Variants in TRPC7 observed in about 807,000 individuals in gnomAD.
The protein encoded by TRPC7 is transient receptor potential cation channel subfamily C member 7.
Under a neutral mutation model 90.1 loss-of-function variants are expected in TRPC7, and 42 were observed. The ratio of observed to expected loss-of-function variants is 0.47; its 90% CI spans 0.36 to 0.60. TRPC7 has a LOEUF of 0.60. Ranked by LOEUF, TRPC7 falls within the 20% of genes least tolerant of loss-of-function variation. The probability of loss-of-function intolerance (pLI) is 0.00; values close to 1 mark genes in which losing one functional copy is unlikely to be tolerated. For missense variants in TRPC7, 955 were observed against 1,112.3 expected, an observed-to-expected ratio of 0.86 and a Z score of 2.01; for synonymous variants, 451 against 436.3, an observed-to-expected ratio of 1.03 and a Z score of -0.42.
intron 3 of TRPC7, among the ~76,000 whole-genome samples, chr5:136,308,248 T>A (rs1758711346): frequency 6.6e-6 from 1 of 152,244 alleles, no homozygotes; most frequent in South Asian, 2.1e-4. Flanking sequence ...TTAATGGATA[T>A]TGATCACTTT....
Position 136,247,814 on chromosome 5 carries a change from G to T in TRPC7, c.1580-79C>A. 3 of 1,489,046 alleles carry T rather than the reference G, an allele frequency of 2.0e-6. No homozygotes were observed. The highest frequency in any genetic ancestry group is 2.7e-6 in the Non-Finnish European group (3 of 1,106,930). 92.2% of individuals were successfully genotyped at this position (1,489,046 alleles called of 1,614,324 possible). A position where few individuals can be genotyped will look rare whatever the true frequency, so the allele number is the denominator to read the frequency against. ...AGAAACCAGTTAGGCATCTTTAGAGGTCTCCAACTGCATCATTTGCCATTC... is the reference window on the plus strand; with the variant it reads ...AGAAACCAGTTAGGCATCTTTAGAGTTCTCCAACTGCATCATTTGCCATTC... On this transcript the variant is annotated intron_variant, in intron 6 of 11. Coordinates refer to ENST00000513104, the MANE Select transcript of TRPC7 (RefSeq NM_020389.3). This position sits in a 1 kb window ranked among gnomAD's most constrained non-coding sequence, Gnocchi z 4.2.
chr5:136,236,546 A>C (rs943605311), intron 7 of TRPC7, among the ~76,000 whole-genome samples: 1 of 152,196 alleles, frequency 6.6e-6, no homozygotes, highest in African/African-American at 2.4e-5. Flanking sequence ...TAAAGGAGGA[A>C]AAGTGCCCAT....
At chr5:136,269,540 T>C (rs1249366016) in intron 4 of TRPC7, among the ~76,000 whole-genome samples, 1 of 152,072 alleles carries the variant, frequency 6.6e-6, no homozygotes, top group Non-Finnish European at 1.5e-5. Flanking sequence ...TCAGAAAAGG[T>C]TTCCAGCATC....
In TRPC7 at chr5:136,247,525, A is replaced by G; in HGVS notation, c.1790T>C (p.Met597Thr). The G allele has an allele frequency of 6.2e-7, 1 of 1,614,040 alleles. No homozygotes were observed. Among genetic ancestry groups the G allele is most frequent in the Non-Finnish European group, 8.5e-7 (1 of 1,179,894 alleles). Residue 597 changes from methionine (M) to threonine (T), a missense_variant, in exon 7 of 12, where the codon ATG becomes ACG. By Grantham distance (81) the Met-to-Thr change is moderately conservative (BLOSUM62 -1). Transcript: ENST00000513104. The surrounding 1 kb of genome is among the most constrained non-coding windows in gnomAD (Gnocchi z 4.2). ...IMVFVAFMIG[M>T]FNLYSYYRGA... is the part of the protein sequence containing the mutation. ...TCGGTAGTAAGAGTACAGGTTGAACATCCCAATCATGAAGGCCACAAATAC... is the reference window on the plus strand; with the variant it reads ...TCGGTAGTAAGAGTACAGGTTGAACGTCCCAATCATGAAGGCCACAAATAC...
intron 3 of TRPC7, among the ~76,000 whole-genome samples, chr5:136,300,619 G>A (rs2149830803): frequency 6.6e-6 from 1 of 152,310 alleles, no homozygotes; most frequent in Admixed American, 6.5e-5. Flanking sequence ...CTGGCATTGG[G>A]GCTTTCCTGG....
chr5:136,248,823 T>A (rs925640801), intron 6 of TRPC7, among the ~76,000 whole-genome samples: 1 of 152,252 alleles, frequency 6.6e-6, no homozygotes, highest in African/African-American at 2.4e-5. Flanking sequence ...CAGCTGTCTA[T>A]TACATGTCAG....
intron 4 of TRPC7, among the ~76,000 whole-genome samples, chr5:136,271,393 G>T (rs1457681350): frequency 6.6e-6 from 1 of 152,142 alleles, no homozygotes. Flanking sequence ...GCTGGCTTCT[G>T]CCACATCATA....
intron 3 of TRPC7, among the ~76,000 whole-genome samples, 160 bp downstream of exon 3, chr5:136,315,437 C>A (rs1462542622): frequency 6.6e-6 from 1 of 152,062 alleles, no homozygotes; most frequent in Non-Finnish European, 1.5e-5. Flanking sequence ...GGGATCCTAG[C>A]AGCCCTGTGA....
At chr5:136,278,944 C>T (rs1026624968) in intron 3 of TRPC7, among the ~76,000 whole-genome samples, 1 of 152,108 alleles carries the variant, frequency 6.6e-6, no homozygotes, top group Non-Finnish European at 1.5e-5. Flanking sequence ...TCCCAGCTAA[C>T]TCTGGAATGC....
intron 6 of TRPC7, 76 bp downstream of exon 6, chr5:136,251,573 C>T (rs1272127788): frequency 3.1e-5 from 37 of 1,201,528 alleles, no homozygotes; most frequent in Non-Finnish European, 3.7e-5. Flanking sequence ...GTTACAAGTT[C>T]ACCAGCCACA....
intron 3 of TRPC7, among the ~76,000 whole-genome samples, chr5:136,312,205 C>G (rs1382966640): frequency 6.6e-6 from 1 of 152,126 alleles, no homozygotes; most frequent in Non-Finnish European, 1.5e-5. Context: ...GCTGAGCGCC[C>G]TCTTAAGGCA....
At chr5:136,296,590 A>G (rs1758179997) in intron 3 of TRPC7, among the ~76,000 whole-genome samples, 1 of 152,192 alleles carries the variant, frequency 6.6e-6, no homozygotes. Context: ...ATTATAGGAA[A>G]CATAGATAAA....
intron 6 of TRPC7, 64 bp downstream of exon 6, chr5:136,251,585 T>G: frequency 7.6e-7 from 1 of 1,308,236 alleles, no homozygotes; most frequent in Non-Finnish European, 1.1e-6. Flanking sequence ...CCAGCCACAG[T>G]GAAGCACCAG....
chr5:136,242,564 T>A, intron 7 of TRPC7, among the ~76,000 whole-genome samples: 1 of 152,214 alleles, frequency 6.6e-6, no homozygotes, highest in East Asian at 1.9e-4. Context: ...TTAAAAAAAA[T>A]TGCCTGCATA....
At chr5:136,324,540 T>C (rs1374893424) in intron 2 of TRPC7, among the ~76,000 whole-genome samples, 1 of 152,202 alleles carries the variant, frequency 6.6e-6, no homozygotes, top group East Asian at 1.9e-4. Context: ...TTCTTTCCTT[T>C]TGATCCATAA....
intron 3 of TRPC7, among the ~76,000 whole-genome samples, chr5:136,284,226 G>T (rs1757637697): frequency 6.6e-6 from 1 of 152,212 alleles, no homozygotes; most frequent in Non-Finnish European, 1.5e-5. Flanking sequence ...CAACGGTAAG[G>T]TACCCTGGGC....
intron 10 of TRPC7, among the ~76,000 whole-genome samples, chr5:136,219,606 A>C (rs1448687002): frequency 1.3e-5 from 2 of 152,140 alleles, no homozygotes; most frequent in Non-Finnish European, 1.5e-5. Flanking sequence ...TCTCTACTAA[A>C]AATACAAAAT....
At chr5:136,265,404 G>T (rs1425183293) in intron 5 of TRPC7, among the ~76,000 whole-genome samples, 1 of 151,910 alleles carries the variant, frequency 6.6e-6, no homozygotes, top group Non-Finnish European at 1.5e-5. Flanking sequence ...TATTGATAAG[G>T]TTTATAAACA....
chr5:136,261,827 G>A (rs529926772), intron 5 of TRPC7, among the ~76,000 whole-genome samples: 1 of 152,250 alleles, frequency 6.6e-6, no homozygotes, highest in East Asian at 1.9e-4. Flanking sequence ...GTGAACTTCA[G>A]GCATGTATAT....
Sources: gnomAD v4.1 joint callset for allele counts (sites outside exome capture counted in the v4.1 genomes callset) on GRCh38, gnomAD v4.1.1 for gene constraint, Gnocchi (gnomAD v3.1) non-coding constraint, MANE v1.5 for transcripts, NCBI Gene and HGNC (gene_info 2026-07-23, HGNC 2026-07-21) for gene names.